The following IPCEF1 variants were observed in gnomAD, a reference collection of about 807,000 sequenced individuals.
IPCEF1 encodes the protein interactor protein for cytohesin exchange factors 1.
IPCEF1 carries 31 observed loss-of-function variants against 50.9 expected under a neutral mutation model. The observed-to-expected ratio is 0.61, with a 90% CI of 0.46 to 0.82. The LOEUF (loss-of-function observed/expected upper bound fraction) is 0.82, where lower values mean the gene tolerates loss of function less well. Ranked by LOEUF, IPCEF1 falls within the 40% of genes least tolerant of loss-of-function variation. The pLI is 0.00. For synonymous variants in IPCEF1, 181 were observed against 192.0 expected, an observed-to-expected ratio of 0.94 and a Z score of 0.47; for missense variants, 458 against 514.0, an observed-to-expected ratio of 0.89 and a Z score of 1.05.
At chr6:154,330,102 T>A (rs925314183) in intron 1 of IPCEF1, 3 of 152,088 alleles carry the variant, frequency 2.0e-5, no homozygotes, top group Admixed American at 1.3e-4. Context: ...CAACTGAAAT[T>A]CACTATTACC....
At chr6:154,209,374 A>C (rs932885934) in intron 9 of IPCEF1, among the ~76,000 whole-genome samples, 3 of 152,160 alleles carry the variant, frequency 2.0e-5, no homozygotes, top group Non-Finnish European at 4.4e-5. Flanking sequence ...GCTATGACTG[A>C]GTGCAGTGGC....
chr6:154,171,161 C>T (rs1483013723), intron 10 of IPCEF1, among the ~76,000 whole-genome samples: 2 of 152,168 alleles, frequency 1.3e-5, no homozygotes, highest in Non-Finnish European at 2.9e-5. Flanking sequence ...AAAAATTGTA[C>T]ATGAATGTTC....
At chr6:154,214,939 G>T (rs1311598066) in intron 7 of IPCEF1, among the ~76,000 whole-genome samples, 2 of 152,218 alleles carry the variant, frequency 1.3e-5, no homozygotes, top group Non-Finnish European at 2.9e-5. Context: ...GACCACTGTA[G>T]TTCCTTCTCA....
chr6:154,345,665 AT>A (rs1784013341), intron 1 of IPCEF1, among the ~76,000 whole-genome samples: 1 of 152,152 alleles, frequency 6.6e-6, no homozygotes, highest in South Asian at 2.1e-4. Flanking sequence ...AGATTTGTCA[AT>A]TCTTCACAGT....
intron 10 of IPCEF1, among the ~76,000 whole-genome samples, chr6:154,178,944 A>T (rs778386614): frequency 6.6e-6 from 1 of 152,238 alleles, no homozygotes; most frequent in Non-Finnish European, 1.5e-5. Context: ...GGTGTTAGGA[A>T]TCAAGAAAAT....
intron 2 of IPCEF1, among the ~76,000 whole-genome samples, chr6:154,274,044 T>C (rs1781978997): frequency 6.6e-6 from 1 of 151,092 alleles, no homozygotes; most frequent in South Asian, 2.1e-4. Context: ...TGAGCCACCG[T>C]GCCTGGCTGC....
At chr6:154,330,675 T>A in intron 1 of IPCEF1, among the ~76,000 whole-genome samples, 1 of 152,166 alleles carries the variant, frequency 6.6e-6, no homozygotes, top group East Asian at 1.9e-4. Flanking sequence ...TATGCAAATT[T>A]AAAACCAATC....
intron 2 of IPCEF1, among the ~76,000 whole-genome samples, chr6:154,270,257 T>C (rs1781868584): frequency 6.6e-6 from 1 of 152,244 alleles, no homozygotes; most frequent in Non-Finnish European, 1.5e-5. Flanking sequence ...GAATTGTCTA[T>C]GGATTATGAA....
chr6:154,312,492 A>G (rs1783102958), intron 1 of IPCEF1, among the ~76,000 whole-genome samples: 1 of 151,954 alleles, frequency 6.6e-6, no homozygotes, highest in African/African-American at 2.4e-5. Context: ...GACTACAGGC[A>G]CGCACCACCA....
intron 1 of IPCEF1, among the ~76,000 whole-genome samples, chr6:154,304,741 T>C (rs992712134): frequency 6.6e-6 from 1 of 152,172 alleles, no homozygotes; most frequent in Non-Finnish European, 1.5e-5. Flanking sequence ...CCTGGGAAAT[T>C]TCCTGCCTGT....
intron 10 of IPCEF1, among the ~76,000 whole-genome samples, chr6:154,174,542 C>G (rs764727384): frequency 7.9e-5 from 12 of 152,050 alleles, no homozygotes; most frequent in Non-Finnish European, 1.8e-4. Context: ...ATAAAACAGA[C>G]TTTAAACCAA....
chr6:154,238,096 T>C (rs930155415), intron 5 of IPCEF1, among the ~76,000 whole-genome samples: 3 of 152,192 alleles, frequency 2.0e-5, no homozygotes, highest in Admixed American at 6.5e-5. Context: ...TATACATGTA[T>C]CAACATGGAA....
intron 1 of IPCEF1, among the ~76,000 whole-genome samples, chr6:154,347,370 T>C (rs536139301): frequency 1.3e-5 from 2 of 152,314 alleles, no homozygotes; most frequent in Non-Finnish European, 2.9e-5. Context: ...TGAGCCAGGT[T>C]TGAAGTTCCC....
intron 3 of IPCEF1, among the ~76,000 whole-genome samples, chr6:154,248,481 A>G (rs549583727): frequency 6.6e-6 from 1 of 152,198 alleles, no homozygotes; most frequent in Non-Finnish European, 1.5e-5. Flanking sequence ...TGTGAAAATG[A>G]AAAGCAGTTC....
At chr6:154,295,158 A>T (rs1399810720) in intron 1 of IPCEF1, among the ~76,000 whole-genome samples, 1 of 152,120 alleles carries the variant, frequency 6.6e-6, no homozygotes, top group Non-Finnish European at 1.5e-5. Context: ...AGATTGCGCC[A>T]CTGCACTCCA....
intron 2 of IPCEF1, among the ~76,000 whole-genome samples, chr6:154,289,276 A>C (rs551182131): frequency 6.6e-6 from 1 of 151,932 alleles, no homozygotes; most frequent in Non-Finnish European, 1.5e-5. Flanking sequence ...TATAATTATT[A>C]AATATAAATA....
chr6:154,231,360 A>C lies in IPCEF1; in HGVS notation c.247-8117T>G, dbSNP rs76483935. Reference sequence around the variant, plus strand: ...GGAAACTGGATAATAATCAGCAAAAATGCACTTGCCCATTGACCCAGAAAT... The same window carrying C: ...GGAAACTGGATAATAATCAGCAAAACTGCACTTGCCCATTGACCCAGAAAT... On this transcript the variant is annotated intron_variant, in intron 5 of 11. Transcript: ENST00000367220. 4.4e-3 allele frequency among the ~76,000 whole-genome samples: 668 copies of C among 152,344 alleles called. 2 individuals carry two copies. Among genetic ancestry groups the C allele is most frequent in the African/African-American group, 0.015 (632 of 41,576 alleles).
chr6:154,168,120 G>GAAA lies in IPCEF1; in HGVS notation c.911-10_911-8dup. ...TCAGACACTTTTGTCTCTTCTATTT[G>GAAA]AAAAAAAAAAAGAAAGCAGTAACAA... On this transcript the variant is annotated splice_region_variant and splice_polypyrimidine_tract_variant and intron_variant, in intron 10 of 11. Coordinates refer to ENST00000367220, the MANE Select transcript of IPCEF1 (RefSeq NM_001130700.2). The surrounding 1 kb of genome is among the most constrained non-coding windows in gnomAD (Gnocchi z 4.1). 1.7e-6 allele frequency: 2 copies of GAAA among 1,170,906 alleles called. No homozygotes were observed. Among genetic ancestry groups the GAAA allele is most frequent in the Non-Finnish European group, 2.3e-6 (2 of 867,734 alleles). 72.5% of individuals were successfully genotyped at this position (1,170,906 alleles called of 1,614,324 possible).
chr6:154,248,337 GTA>G (rs1491388623), intron 3 of IPCEF1, among the ~76,000 whole-genome samples: 2 of 150,434 alleles, frequency 1.3e-5, no homozygotes, highest in African/African-American at 4.9e-5. Context: ...GTGTGTGTGT[GTA>G]GAGAGAGAGA....
Sources: allele counts gnomAD v4.1 joint callset (sites outside exome capture counted in the v4.1 genomes callset), GRCh38; gene constraint gnomAD v4.1.1; non-coding constraint Gnocchi (gnomAD v3.1); transcripts MANE v1.5; gene names NCBI Gene and HGNC (gene_info 2026-07-23, HGNC 2026-07-21).